GLS: variants seen among roughly 807,000 people sequenced by gnomAD.
GLS encodes glutaminase kidney isoform, mitochondrial.
A neutral mutation model predicts 86.7 loss-of-function variants in GLS; 36 were observed. The ratio of observed to expected loss-of-function variants is 0.42; its 90% CI spans 0.32 to 0.55. GLS has a LOEUF of 0.55. GLS is among the 20% of genes least tolerant of loss of function. The pLI is 0.17. For synonymous variants in GLS, 317 were observed against 305.9 expected (o/e 1.04, Z -0.38); for missense variants, 528 against 833.4 (o/e 0.63, Z 4.51).
chr2:190,944,206 T>TTG (rs949527429), intron 14 of GLS, among the ~76,000 whole-genome samples: 1 of 152,012 alleles, frequency 6.6e-6, no homozygotes, highest in African/African-American at 2.4e-5. Context: ...ATTTTTTTTT[T>TTG]TTGTTTAATA....
Position 190,905,009 on chromosome 2 carries a change from C to A in GLS, c.821C>A (p.Ser274Tyr), listed in dbSNP as rs1689084064. ...AAAAATCTCCTTTTAAATAGGCATT[C>A]TACTGGAGATACCAAAGTTCCCTTC... ...SVCTVDGQRH[S>Y]TGDTKVPFCL... The change falls in exon 6 of 18, where the codon TCT (serine) becomes TAT (tyrosine). Residue 274 changes from serine (S) to tyrosine (Y), a missense_variant. Ser to Tyr is a moderately radical substitution (Grantham distance 144, BLOSUM62 -2). This residue lies in a region of GLS where 111 missense variants were observed against 179.5 expected (regional missense o/e 0.62). Coordinates refer to ENST00000320717, the MANE Select transcript of GLS (RefSeq NM_014905.5). The surrounding 1 kb of genome is among the most constrained non-coding windows in gnomAD (Gnocchi z 4.6). 6.4e-7 allele frequency: 1 copy of A among 1,569,450 alleles called. No homozygotes were observed. The highest frequency in any genetic ancestry group is 8.8e-7 in the Non-Finnish European group (1 of 1,140,914).
At chr2:190,931,374 T>C (rs1574606029) in intron 13 of GLS, among the ~76,000 whole-genome samples, 171 bp from the exon 14 acceptor site, 1 of 152,156 alleles carries the variant, frequency 6.6e-6, no homozygotes, top group South Asian at 2.1e-4. Flanking sequence ...TTAAAACTTA[T>C]ATCCATATCT....
intron 1 of GLS, among the ~76,000 whole-genome samples, chr2:190,888,923 T>C (rs1222769656): frequency 6.6e-6 from 1 of 152,230 alleles, no homozygotes; most frequent in African/African-American, 2.4e-5. Context: ...ATTACCACTT[T>C]AACCATTTTT....
At chr2:190,885,604 A>G (rs1688352345) in intron 1 of GLS, among the ~76,000 whole-genome samples, 1 of 152,238 alleles carries the variant, frequency 6.6e-6, no homozygotes, top group Non-Finnish European at 1.5e-5. Flanking sequence ...AGATATAAAT[A>G]TTAAGTTTTA....
intron 6 of GLS, among the ~76,000 whole-genome samples, chr2:190,906,974 G>A (rs936375637): frequency 1.3e-5 from 2 of 149,340 alleles, no homozygotes; most frequent in Non-Finnish European, 3.0e-5. Context: ...CTGTCCCCCA[G>A]GCTGGAGTGC....
Position 190,962,284 on chromosome 2 carries a change from G to A in GLS, c.1854-546G>A, listed in dbSNP as rs1428750079. On this transcript the variant is annotated intron_variant, in intron 17 of 17. Coordinates refer to ENST00000320717, the MANE Select transcript of GLS (RefSeq NM_014905.5). The surrounding 1 kb of genome is among the most constrained non-coding windows in gnomAD (Gnocchi z 4.2). ...TCCATGGCTTCCCAGCCTTACCAGA[G>A]GTGATAAAAATGTCAATTCCTTTGG... is the stretch of plus-strand genomic sequence containing the variant. 6.6e-6 allele frequency among the ~76,000 whole-genome samples: 1 copy of A among 152,158 alleles called. No homozygotes were observed. The highest frequency in any genetic ancestry group is 1.5e-5 in the Non-Finnish European group (1 of 68,022).
Position 190,924,680 on chromosome 2 carries a change from G to T in GLS, c.1248+87G>T. On this transcript the variant is annotated intron_variant, in intron 11 of 17. Coordinates refer to ENST00000320717, the MANE Select transcript of GLS (RefSeq NM_014905.5). This position sits in a 1 kb window ranked among gnomAD's most constrained non-coding sequence, Gnocchi z 5.2. ...GCCTGTAATCCCAGCACTTTGGGAGGCCAGGGCAGGTGGATCATGAGGTCA... is the reference window on the plus strand; with the variant it reads ...GCCTGTAATCCCAGCACTTTGGGAGTCCAGGGCAGGTGGATCATGAGGTCA... 2.7e-6 allele frequency: 2 copies of T among 749,366 alleles called. No homozygotes were observed. The highest frequency in any genetic ancestry group is 4.9e-6 in the Non-Finnish European group (2 of 411,988). The allele number at this position is 749,366 out of a possible 1,614,324, so 46.4% of individuals were successfully genotyped here. A position where few individuals can be genotyped will look rare whatever the true frequency, so the allele number is the denominator to read the frequency against.
chr2:190,950,763 C>T (rs1553488684), intron 14 of GLS, among the ~76,000 whole-genome samples: 2 of 152,196 alleles, frequency 1.3e-5, no homozygotes, highest in Non-Finnish European at 2.9e-5. Flanking sequence ...CTGGATGACT[C>T]CTGAGTTTGT....
At chr2:190,927,559 T>C in intron 12 of GLS, 77 bp downstream of exon 12, 1 of 1,034,674 alleles carries the variant, frequency 9.7e-7, no homozygotes, top group East Asian at 2.6e-5. Flanking sequence ...CAGTTTGAAC[T>C]TTGCTTCTAA....
chr2:190,953,954 G>GTC lies in GLS; in HGVS notation c.1712+329_1712+330insCT, dbSNP rs1558995425. 2.1e-5 allele frequency among the ~76,000 whole-genome samples: 1 copy of GTC among 47,712 alleles called. No individual in the cohort carries two copies. The highest frequency in any genetic ancestry group is 1.6e-4 in the Admixed American group (1 of 6,344). 31.3% of individuals were successfully genotyped at this position (47,712 alleles called of 152,430 possible). A position where few individuals can be genotyped will look rare whatever the true frequency, so the allele number is the denominator to read the frequency against. ...CCTCCATTCCCAATCTTTGATATGTGTGTGTGTGTGTGTGTGTGTGTGTGT... is the reference window on the plus strand; with the variant it reads ...CCTCCATTCCCAATCTTTGATATGTGTCTGTGTGTGTGTGTGTGTGTGTGTGT... On this transcript the variant is annotated intron_variant, in intron 15 of 17. Transcript: ENST00000320717. The surrounding 1 kb of genome is among the most constrained non-coding windows in gnomAD (Gnocchi z 4.0).
intron 14 of GLS, among the ~76,000 whole-genome samples, chr2:190,937,847 T>G (rs1330183671): frequency 1.3e-5 from 2 of 149,944 alleles, no homozygotes; most frequent in South Asian, 2.1e-4. Flanking sequence ...TGGGTTTTTT[T>G]TTTTTTTTTT....
chr2:190,935,517 G>A lies in GLS; in HGVS notation c.1650+3880G>A, dbSNP rs1690246334. 6.6e-6 allele frequency among the ~76,000 whole-genome samples: 1 copy of A among 151,016 alleles called. No homozygotes were observed. Among genetic ancestry groups the A allele is most frequent in the Admixed American group, 6.6e-5 (1 of 15,158 alleles). On this transcript the variant is annotated intron_variant, in intron 14 of 17. Transcript: ENST00000320717. The surrounding 1 kb of genome is among the most constrained non-coding windows in gnomAD (Gnocchi z 4.2). ...AGCATTAGTGGTTTTTTTGGGAGGA[G>A]GACTTTTCTTATTGGTTGTACTAGA...
chr2:190,919,062 G>C (rs1414544847), intron 7 of GLS, among the ~76,000 whole-genome samples: 1 of 143,020 alleles, frequency 7.0e-6, no homozygotes, highest in Admixed American at 6.8e-5. Context: ...AGCACATACT[G>C]TTGGAAAAAT....
Position 190,928,579 on chromosome 2 carries a change from C to T in GLS, c.1425+1097C>T, listed in dbSNP as rs183491672. ...CGAACTCCTGACCTCAAATAATGCACCTGCCTCAGCCTCCCAAATTGCTGG... is the reference window on the plus strand; with the variant it reads ...CGAACTCCTGACCTCAAATAATGCATCTGCCTCAGCCTCCCAAATTGCTGG... On this transcript the variant is annotated intron_variant, in intron 12 of 17. Transcript: ENST00000320717. 1.8e-3 allele frequency among the ~76,000 whole-genome samples: 279 copies of T among 152,132 alleles called. 1 individual carries two copies. The highest frequency in any genetic ancestry group is 7.2e-3 in the South Asian group (35 of 4,834).
intron 14 of GLS, among the ~76,000 whole-genome samples, chr2:190,942,482 G>A (rs1002614729): frequency 2.6e-5 from 4 of 152,174 alleles, no homozygotes; most frequent in Non-Finnish European, 4.4e-5. Context: ...TTTTGGACTC[G>A]AGATGTGTTG....
chr2:190,900,518 AT>A (rs762530747), intron 3 of GLS, 45 bp from the exon 4 acceptor site: 12 of 1,193,304 alleles, frequency 1.0e-5, no homozygotes, highest in Non-Finnish European at 1.3e-5. Flanking sequence ...AAGTTCTGAT[AT>A]TTGAAATGTA....
Position 190,943,268 on chromosome 2 carries a change from G to C in GLS, c.1651-10297G>C, listed in dbSNP as rs1024596662. ...AGATTTAGGCCTAAAACTTAGAGCA[G>C]TGTAAGTTGGAGCTATAATTTTGTG... On this transcript the variant is annotated intron_variant, in intron 14 of 17. Transcript: ENST00000320717. The surrounding 1 kb of genome is among the most constrained non-coding windows in gnomAD (Gnocchi z 4.5). Among the ~76,000 whole-genome samples, 1 of 152,196 alleles carries C rather than the reference G, an allele frequency of 6.6e-6. No homozygotes were observed. Among genetic ancestry groups the C allele is most frequent in the African/African-American group, 2.4e-5 (1 of 41,454 alleles).
At chr2:190,904,956 A>G (rs1558973548) in intron 5 of GLS, 48 bp from the exon 6 acceptor site, 3 of 1,086,202 alleles carry the variant, frequency 2.8e-6, no homozygotes, top group Non-Finnish European at 4.2e-6. Flanking sequence ...ATGCAGTTAC[A>G]TTTTTTTCCC....
chr2:190,937,117 A>G (rs886617141), intron 14 of GLS, among the ~76,000 whole-genome samples: 2 of 151,312 alleles, frequency 1.3e-5, no homozygotes, highest in African/African-American at 4.8e-5. Context: ...ACTTTACCTT[A>G]CTCGGTCTTT....
Sources: gnomAD v4.1 joint callset for allele counts (sites outside exome capture counted in the v4.1 genomes callset) on GRCh38, gnomAD v4.1.1 for gene constraint, gnomAD v4.1.1 regional missense constraint, Gnocchi (gnomAD v3.1) non-coding constraint, MANE v1.5 for transcripts, NCBI Gene and HGNC (gene_info 2026-07-23, HGNC 2026-07-21) for gene names.